The following CDH13 variants were observed in gnomAD, a reference collection of about 807,000 sequenced individuals.
CDH13 encodes cadherin-13.
Under a neutral mutation model 63.8 loss-of-function variants are expected in CDH13, and 24 were observed. The observed-to-expected ratio is 0.38, with a 90% confidence interval of 0.27 to 0.53. The LOEUF (loss-of-function observed/expected upper bound fraction) is 0.53. CDH13 is among the 20% of genes least tolerant of loss of function. The probability of loss-of-function intolerance (pLI) is 0.85; values close to 1 mark genes in which losing one functional copy is unlikely to be tolerated. For synonymous variants in CDH13, 503 were observed against 355.3 expected (o/e 1.42, Z -4.67); for missense variants, 1,049 against 903.1 (o/e 1.16, Z -2.07).
intron 3 of CDH13, among the ~76,000 whole-genome samples, chr16:83,114,619 A>C (rs2035212863): frequency 6.6e-6 from 1 of 152,208 alleles, no homozygotes. Flanking sequence ...TGGGTGACTT[A>C]GTTTTGCTGA....
chr16:83,287,127 TC>T (rs1346583147), intron 5 of CDH13, among the ~76,000 whole-genome samples: 2 of 152,272 alleles, frequency 1.3e-5, no homozygotes, highest in African/African-American at 4.8e-5. Flanking sequence ...CCATGTTCAT[TC>T]TGCAAATGTC....
intron 4 of CDH13, among the ~76,000 whole-genome samples, chr16:83,182,182 A>G (rs1226457240): frequency 2.0e-5 from 3 of 152,236 alleles, no homozygotes; most frequent in Non-Finnish European, 2.9e-5. Flanking sequence ...AGTGATGATT[A>G]ACTAATCCTT....
chr16:83,188,630 C>G (rs1458555480), intron 4 of CDH13, among the ~76,000 whole-genome samples: 1 of 152,112 alleles, frequency 6.6e-6, no homozygotes, highest in Non-Finnish European at 1.5e-5. Context: ...GGCTGCCTCC[C>G]CTCCAAAGTC....
At chr16:82,715,492 G>A (rs998355725) in intron 1 of CDH13, among the ~76,000 whole-genome samples, 2 of 152,120 alleles carry the variant, frequency 1.3e-5, no homozygotes, top group South Asian at 2.1e-4. Context: ...AAGAAAAGCC[G>A]CAAAGGATTT....
intron 3 of CDH13, among the ~76,000 whole-genome samples, chr16:83,052,169 C>T (rs1324360975): frequency 2.0e-5 from 3 of 152,044 alleles, no homozygotes; most frequent in Non-Finnish European, 4.4e-5. Context: ...GAAACCTTTA[C>T]CAAAATGAGC....
At chr16:82,807,067 C>G (rs12927775) in intron 1 of CDH13, among the ~76,000 whole-genome samples, 27,559 of 149,348 alleles carry the variant, frequency 0.18, 2,805 homozygotes, top group Middle Eastern at 0.23. Flanking sequence ...TAAGTATAAG[C>G]TTTTGCAGTT....
chr16:82,702,951 AC>A (rs1467942483), intron 1 of CDH13, among the ~76,000 whole-genome samples: 1 of 151,840 alleles, frequency 6.6e-6, no homozygotes, highest in African/African-American at 2.4e-5. Context: ...GTGTGCAGGG[AC>A]CTTTTTTTAG....
chr16:82,842,141 CATATATATATATATAT>C (rs1170008694), intron 1 of CDH13, among the ~76,000 whole-genome samples: 12 of 62,342 alleles, frequency 1.9e-4, no homozygotes, highest in African/African-American at 6.1e-4. Flanking sequence ...TATATATACA[CATATATATATATATAT>C]ATATATACAC....
chr16:83,216,684 T>C (rs2151787276), intron 4 of CDH13, among the ~76,000 whole-genome samples: 1 of 146,388 alleles, frequency 6.8e-6, no homozygotes, highest in Non-Finnish European at 1.5e-5. Context: ...ATAAAACCCC[T>C]AAATTGAGGT....
At chr16:83,124,459 G>C (rs1425011771) in intron 3 of CDH13, among the ~76,000 whole-genome samples, 1 of 151,142 alleles carries the variant, frequency 6.6e-6, no homozygotes, top group Non-Finnish European at 1.5e-5. Context: ...TAGGTTATCT[G>C]CTTAGTCTGT....
chr16:82,681,910 C>A (rs1914591994), intron 1 of CDH13, among the ~76,000 whole-genome samples: 1 of 152,216 alleles, frequency 6.6e-6, no homozygotes, highest in Non-Finnish European at 1.5e-5. Context: ...CGGTTGAGCT[C>A]CAGTTGCCTG....
chr16:82,991,764 G>C (rs1167925957), intron 2 of CDH13, among the ~76,000 whole-genome samples: 1 of 152,162 alleles, frequency 6.6e-6, no homozygotes, highest in Non-Finnish European at 1.5e-5. Flanking sequence ...TCTATAAACT[G>C]AGAGAATTAT....
At chr16:83,787,515 T>C (rs1597233616) in intron 13 of CDH13, among the ~76,000 whole-genome samples, 1 of 152,158 alleles carries the variant, frequency 6.6e-6, no homozygotes, top group East Asian at 1.9e-4. Flanking sequence ...AGCAGACACA[T>C]TCGAATCATT....
At chr16:83,171,700 C>T (rs1163702298) in intron 4 of CDH13, 1 of 720,348 alleles carries the variant, frequency 1.4e-6, no homozygotes, top group East Asian at 2.7e-5. Flanking sequence ...GCACGCCTCT[C>T]CCATTTCCCC....
At chr16:83,315,370 C>G (rs2090084056) in intron 5 of CDH13, among the ~76,000 whole-genome samples, 1 of 152,196 alleles carries the variant, frequency 6.6e-6, no homozygotes, top group South Asian at 2.1e-4. Flanking sequence ...AGGAGGCAAA[C>G]AAACAAATGC....
chr16:83,297,359 A>G (rs1397500346), intron 5 of CDH13, among the ~76,000 whole-genome samples: 1 of 152,218 alleles, frequency 6.6e-6, no homozygotes, highest in African/African-American at 2.4e-5. Flanking sequence ...TATTAATACA[A>G]TAATTGTACG....
chr16:82,705,103 A>G (rs1039909356), intron 1 of CDH13: 4 of 455,936 alleles, frequency 8.8e-6, no homozygotes, highest in African/African-American at 6.0e-5. Flanking sequence ...AAAACCTGCA[A>G]TTTATCAAAA....
chr16:82,996,001 G>A (rs1912165510), intron 2 of CDH13, among the ~76,000 whole-genome samples: 1 of 152,126 alleles, frequency 6.6e-6, no homozygotes, highest in African/African-American at 2.4e-5. Flanking sequence ...AAAATGGGAT[G>A]AACTTGGAGA....
chr16:83,762,521 C>G (rs1357737774), intron 11 of CDH13, among the ~76,000 whole-genome samples: 1 of 152,192 alleles, frequency 6.6e-6, no homozygotes, highest in Non-Finnish European at 1.5e-5. Flanking sequence ...ATCCCAGTGT[C>G]AATACCACTC....
Sources: gnomAD v4.1 joint callset for allele counts (sites outside exome capture counted in the v4.1 genomes callset) on GRCh38, gnomAD v4.1.1 for gene constraint, MANE v1.5 for transcripts, NCBI Gene and HGNC (gene_info 2026-07-23, HGNC 2026-07-21) for gene names.